Variants in DDX4 observed in about 807,000 individuals in gnomAD.
The protein encoded by DDX4 is probable ATP-dependent RNA helicase DDX4.
Under a neutral mutation model 100.0 loss-of-function variants are expected in DDX4, and 25 were observed. The ratio of observed to expected loss-of-function variants is 0.25; its 90% confidence interval spans 0.18 to 0.35. The LOEUF is 0.35. Among genes scored for constraint, DDX4 ranks in the 10% least tolerant of loss-of-function variants. The pLI is 1.00. For missense variants in DDX4, 635 were observed against 882.4 expected (o/e 0.72, Z 3.55); for synonymous variants, 259 against 275.7 (o/e 0.94, Z 0.60).
Position 55,781,957 on chromosome 5 carries a change from A to C in DDX4, c.601A>C (p.Arg201=), listed in dbSNP as rs747000246. ...AGGTAATGGTGATACTTCTCAAAGC[A>C]GAAGTGGCAGTGGAAGTGAACGAGG... ...GTGNGDTSQS[R]SGSGSERGGY... The change falls in exon 10 of 22, where the codon AGA becomes CGA. Residue 201 remains arginine (R), a synonymous_variant. Transcript: ENST00000505374. 1 of 1,613,990 alleles carries C rather than the reference A, an allele frequency of 6.2e-7. No individual in the cohort carries two copies. The highest frequency in any genetic ancestry group is 1.3e-5 in the African/African-American group (1 of 74,940).
chr5:55,763,942 TA>T (rs1246925820), intron 5 of DDX4, 71 bp from the exon 6 acceptor site: 6 of 1,029,940 alleles, frequency 5.8e-6, no homozygotes, highest in Non-Finnish European at 9.1e-6. Context: ...GCATCATAAC[TA>T]GTAGTTCCTG....
intron 7 of DDX4, among the ~76,000 whole-genome samples, chr5:55,773,550 C>G (rs916071048): frequency 4.6e-5 from 7 of 152,028 alleles, no homozygotes; most frequent in Non-Finnish European, 7.4e-5. Flanking sequence ...CCACATCCAC[C>G]GATACTAGTT....
At chr5:55,795,790 T>C (rs1313671697) in intron 17 of DDX4, among the ~76,000 whole-genome samples, 1 of 152,126 alleles carries the variant, frequency 6.6e-6, no homozygotes, top group African/African-American at 2.4e-5. Flanking sequence ...AACGTGGCAG[T>C]GATATTAGGG....
intron 17 of DDX4, among the ~76,000 whole-genome samples, chr5:55,797,073 G>T (rs1743011206): frequency 1.3e-5 from 2 of 151,594 alleles, no homozygotes; most frequent in African/African-American, 4.8e-5. Context: ...CAAACTCCTG[G>T]GCTCAGGTGA....
At chr5:55,740,430 A>G (rs1580500319) in intron 2 of DDX4, among the ~76,000 whole-genome samples, 1 of 151,150 alleles carries the variant, frequency 6.6e-6, no homozygotes, top group African/African-American at 2.4e-5. Context: ...GCCTTCCAAA[A>G]TGCTGGATTA....
chr5:55,803,857 G>A (rs543954912), intron 18 of DDX4, among the ~76,000 whole-genome samples: 64 of 152,270 alleles, frequency 4.2e-4, no homozygotes, highest in Non-Finnish European at 8.1e-4. Context: ...TGGGATGGCT[G>A]GGTCAAATGG....
intron 10 of DDX4, among the ~76,000 whole-genome samples, chr5:55,783,408 T>C (rs541916235): frequency 6.6e-6 from 1 of 152,182 alleles, no homozygotes; most frequent in Admixed American, 6.5e-5. Flanking sequence ...TACATCTCAT[T>C]AGCTTTTGAA....
At chr5:55,793,023 A>AGTGTGT (rs10551567) in intron 17 of DDX4, among the ~76,000 whole-genome samples, 3,061 of 144,728 alleles carry the variant, frequency 0.021, 37 homozygotes, top group Middle Eastern at 0.032. Flanking sequence ...TTATTTAAAA[A>AGTGTGT]GTGTGTGTGT....
intron 3 of DDX4, among the ~76,000 whole-genome samples, chr5:55,749,522 G>T (rs142502036): frequency 6.6e-6 from 1 of 152,118 alleles, no homozygotes; most frequent in East Asian, 1.9e-4. Flanking sequence ...GTGCAGGGAC[G>T]CACTGATGGG....
intron 17 of DDX4, among the ~76,000 whole-genome samples, chr5:55,795,144 T>C (rs1045854856): frequency 1.3e-5 from 2 of 152,110 alleles, no homozygotes; most frequent in African/African-American, 4.8e-5. Context: ...TTTGTATTTT[T>C]AGTAGAGATG....
intron 15 of DDX4, among the ~76,000 whole-genome samples, chr5:55,789,929 C>A (rs1454036246): frequency 1.3e-5 from 2 of 152,008 alleles, no homozygotes; most frequent in Non-Finnish European, 2.9e-5. Context: ...ACTTTAATAT[C>A]AAACCTGATA....
chr5:55,815,696 T>A (rs1744357112), intron 21 of DDX4, among the ~76,000 whole-genome samples: 1 of 152,120 alleles, frequency 6.6e-6, no homozygotes, highest in Non-Finnish European at 1.5e-5. Flanking sequence ...TGGAATTATT[T>A]AATTTTTGAA....
intron 17 of DDX4, among the ~76,000 whole-genome samples, chr5:55,793,555 T>C (rs1208551909): frequency 6.6e-6 from 1 of 152,246 alleles, no homozygotes; most frequent in Non-Finnish European, 1.5e-5. Flanking sequence ...CTAGTGGAAC[T>C]GCGTTCTCTT....
chr5:55,751,264 T>G (rs1177267953), intron 3 of DDX4, among the ~76,000 whole-genome samples: 1 of 152,194 alleles, frequency 6.6e-6, no homozygotes, highest in Non-Finnish European at 1.5e-5. Context: ...GACAGGGCCT[T>G]GCTCTGTTGT....
chr5:55,769,605 A>G (rs1442268071), intron 7 of DDX4, among the ~76,000 whole-genome samples: 1 of 152,232 alleles, frequency 6.6e-6, no homozygotes, highest in Non-Finnish European at 1.5e-5. Context: ...CATACTGCCC[A>G]AAGCTATTTA....
intron 18 of DDX4, 58 bp from the exon 19 acceptor site, chr5:55,813,615 T>C: frequency 6.7e-7 from 1 of 1,491,850 alleles, no homozygotes; most frequent in South Asian, 1.5e-5. Flanking sequence ...CTATCCCTGC[T>C]TTATTTTTCA....
intron 18 of DDX4, among the ~76,000 whole-genome samples, chr5:55,804,000 G>T (rs10070449): frequency 0.25 from 36,855 of 148,552 alleles, 6,060 homozygotes; most frequent in African/African-American, 0.45. Flanking sequence ...CCTGACTTTT[G>T]AATGATTGCC....
intron 7 of DDX4, among the ~76,000 whole-genome samples, chr5:55,770,462 T>G (rs540983669): frequency 4.0e-4 from 61 of 152,324 alleles, no homozygotes; most frequent in African/African-American, 1.3e-3. Context: ...TAATTCTTGA[T>G]TATATATGGG....
In DDX4 at chr5:55,815,298, CA is replaced by C. The variant is rs766077700; in HGVS notation, c.1987-13del. ...TAATACTTTATGTTGCATATGAAGT[CA>C]ATTTTTTTTAAAGGCTCAACAGGAT... On this transcript the variant is annotated splice_polypyrimidine_tract_variant and intron_variant, in intron 20 of 21. Coordinates refer to ENST00000505374, the MANE Select transcript of DDX4 (RefSeq NM_024415.3). 1 of 1,604,264 alleles carries C rather than the reference CA, an allele frequency of 6.2e-7. No homozygotes were observed. Among genetic ancestry groups the C allele is most frequent in the South Asian group, 1.1e-5 (1 of 88,330 alleles).
Sources: gnomAD v4.1 joint callset for allele counts (sites outside exome capture counted in the v4.1 genomes callset) on GRCh38, gnomAD v4.1.1 for gene constraint, MANE v1.5 for transcripts, NCBI Gene and HGNC (gene_info 2026-07-23, HGNC 2026-07-21) for gene names.